CPQ: variants seen among roughly 807,000 people sequenced by gnomAD.
CPQ encodes the protein carboxypeptidase Q.
A neutral mutation model predicts 45.7 loss-of-function variants in CPQ; 37 were observed. The observed-to-expected ratio is 0.81, with a 90% CI of 0.62 to 1.07. The LOEUF is 1.07. Among genes scored for constraint, CPQ ranks in the 50% least tolerant of loss-of-function variants. CPQ has a pLI of 0.00. For missense variants in CPQ, 537 were observed against 572.9 expected, an observed-to-expected ratio of 0.94 and a Z score of 0.64; for synonymous variants, 186 against 205.8, an observed-to-expected ratio of 0.90 and a Z score of 0.82.
At chr8:96,845,966 T>C (rs1811682724) in intron 3 of CPQ, among the ~76,000 whole-genome samples, 2 of 152,236 alleles carry the variant, frequency 1.3e-5, no homozygotes, top group African/African-American at 4.8e-5. Flanking sequence ...ATTACAGTCA[T>C]GCACCACCAC....
rs577438665 is a variant in CPQ at position 96,785,483 on chromosome 8, TTTAC to T, written c.433+156_433+159del. The stretch of plus-strand genomic sequence containing the variant: ...TCTACCCTTTTTTGTCCTCCCATTT[TTTAC>T]TTCTGTTTCTTTTGTGAAAGGGAAC... On this transcript the variant is annotated intron_variant, in intron 2 of 7. Coordinates refer to ENST00000220763, the MANE Select transcript of CPQ (RefSeq NM_016134.4). Among the ~76,000 whole-genome samples, 16 of 152,318 alleles carry T rather than the reference TTTAC, an allele frequency of 1.1e-4. No homozygotes were observed. In the South Asian group the frequency reaches 3.1e-3, roughly 30 times the overall value.
At chr8:97,137,635 T>G (rs1812083768) in intron 7 of CPQ, among the ~76,000 whole-genome samples, 2 of 152,214 alleles carry the variant, frequency 1.3e-5, no homozygotes, top group Admixed American at 1.3e-4. Flanking sequence ...GTTCATGGCA[T>G]AAAGTATTTT....
At chr8:96,945,592 G>C (rs1322556596) in intron 4 of CPQ, among the ~76,000 whole-genome samples, 1 of 152,072 alleles carries the variant, frequency 6.6e-6, no homozygotes. Flanking sequence ...AGATGAAAGA[G>C]TGCCTAGGAG....
chr8:96,837,064 A>G (rs914603678), intron 3 of CPQ, among the ~76,000 whole-genome samples: 5 of 152,304 alleles, frequency 3.3e-5, no homozygotes, highest in African/African-American at 1.2e-4. Flanking sequence ...TTGCTCTGAC[A>G]ACAATTCAGT....
At chr8:97,122,325 T>C (rs899705093) in intron 7 of CPQ, among the ~76,000 whole-genome samples, 1 of 152,058 alleles carries the variant, frequency 6.6e-6, no homozygotes, top group African/African-American at 2.4e-5. Flanking sequence ...ATGAGAATAA[T>C]CACTGATGTT....
chr8:96,895,071 G>A (rs1563523069), intron 4 of CPQ, among the ~76,000 whole-genome samples: 1 of 152,048 alleles, frequency 6.6e-6, no homozygotes, highest in Non-Finnish European at 1.5e-5. Flanking sequence ...ACTGTGATAG[G>A]CCCATAAAAC....
chr8:96,750,557 G>T (rs1428450503), intron 1 of CPQ, among the ~76,000 whole-genome samples: 1 of 150,380 alleles, frequency 6.6e-6, no homozygotes, highest in African/African-American at 2.4e-5. Flanking sequence ...GCATCTGTAG[G>T]ATAGCTGATT....
At chr8:97,060,127 G>A (rs908544333) in intron 6 of CPQ, among the ~76,000 whole-genome samples, 1 of 152,154 alleles carries the variant, frequency 6.6e-6, no homozygotes, top group African/African-American at 2.4e-5. Flanking sequence ...TGGAGAGAAA[G>A]GAGCTATTAT....
intron 4 of CPQ, among the ~76,000 whole-genome samples, chr8:96,906,692 G>A (rs1270389206): frequency 6.6e-6 from 1 of 152,066 alleles, no homozygotes; most frequent in Non-Finnish European, 1.5e-5. Flanking sequence ...TTTGCTATGT[G>A]TCCTCCTGTG....
chr8:96,889,920 T>C (rs1325302456), intron 4 of CPQ, among the ~76,000 whole-genome samples: 1 of 152,188 alleles, frequency 6.6e-6, no homozygotes, highest in Non-Finnish European at 1.5e-5. Flanking sequence ...TAATCTCCTT[T>C]GGCAACACCC....
chr8:96,885,534 G>C (rs1030177821), intron 4 of CPQ, among the ~76,000 whole-genome samples: 10 of 152,158 alleles, frequency 6.6e-5, no homozygotes, highest in African/African-American at 2.4e-4. Context: ...AAGTAAAGCA[G>C]TTAGCATGTA....
intron 5 of CPQ, among the ~76,000 whole-genome samples, chr8:97,015,245 A>G (rs1809558856): frequency 6.6e-6 from 1 of 152,168 alleles, no homozygotes; most frequent in Non-Finnish European, 1.5e-5. Context: ...ATCTATTATT[A>G]GCCAGGCTTC....
chr8:96,677,622 T>C (rs541045299), intron 1 of CPQ, among the ~76,000 whole-genome samples: 1 of 152,220 alleles, frequency 6.6e-6, no homozygotes, highest in Non-Finnish European at 1.5e-5. Flanking sequence ...CTGTGGGTTG[T>C]CTGTTTGCTC....
chr8:96,942,338 A>C (rs1813135411), intron 4 of CPQ, among the ~76,000 whole-genome samples: 1 of 152,160 alleles, frequency 6.6e-6, no homozygotes, highest in Non-Finnish European at 1.5e-5. Context: ...GTAATGCCAG[A>C]TGCATGTTAA....
chr8:96,661,361 G>A (rs1815700061), intron 1 of CPQ, among the ~76,000 whole-genome samples: 1 of 151,904 alleles, frequency 6.6e-6, no homozygotes, highest in Non-Finnish European at 1.5e-5. Flanking sequence ...CAAAGCCCAT[G>A]GTTTGTATTA....
intron 5 of CPQ, among the ~76,000 whole-genome samples, chr8:97,015,087 T>G (rs1809556436): frequency 6.6e-6 from 1 of 152,216 alleles, no homozygotes; most frequent in African/African-American, 2.4e-5. Flanking sequence ...AAAAACCATT[T>G]TGGTAAATGT....
chr8:97,128,980 A>G, intron 7 of CPQ, among the ~76,000 whole-genome samples: 1 of 152,236 alleles, frequency 6.6e-6, no homozygotes, highest in East Asian at 1.9e-4. Flanking sequence ...TAGGAGGGTC[A>G]GTAGCCATTC....
At chr8:97,031,188 CT>C (rs36087951) in intron 6 of CPQ, among the ~76,000 whole-genome samples, 76 of 130,612 alleles carry the variant, frequency 5.8e-4, no homozygotes, top group Admixed American at 1.0e-3. Context: ...AAGAACTATT[CT>C]TTTTTTTTTT....
chr8:96,716,529 C>T lies in CPQ; in HGVS notation c.-34-68335C>T, dbSNP rs993773497. On this transcript the variant is annotated intron_variant, in intron 1 of 7. Transcript: ENST00000220763. ...CAAAGTCCACTATATCACTCTTAGG[C>T]CTTTGCATCCTCATAGCTTTGCTCC... Among the ~76,000 whole-genome samples the T allele has an allele frequency of 3.3e-5, 5 of 152,090 alleles. No homozygotes were observed. In the East Asian group the frequency reaches 5.8e-4, roughly 18 times the overall value.
Sources: allele counts gnomAD v4.1 joint callset (sites outside exome capture counted in the v4.1 genomes callset), GRCh38; gene constraint gnomAD v4.1.1; transcripts MANE v1.5; gene names NCBI Gene and HGNC (gene_info 2026-07-23, HGNC 2026-07-21).